The following ETV6 variants were observed in gnomAD, a reference collection of about 807,000 sequenced individuals.
ETV6 encodes the protein transcription factor ETV6.
Under a neutral mutation model 51.1 loss-of-function variants are expected in ETV6, and 16 were observed. The ratio of observed to expected loss-of-function variants is 0.31; its 90% CI spans 0.21 to 0.48. The LOEUF (loss-of-function observed/expected upper bound fraction) is 0.48. ETV6 is among the 20% of genes least tolerant of loss of function. ETV6 has a pLI of 0.99. For missense variants in ETV6, 458 were observed against 594.8 expected (o/e 0.77, Z 2.39); for synonymous variants, 240 against 224.1 (o/e 1.07, Z -0.64).
At chr12:11,754,825 G>A (rs181395046) in intron 2 of ETV6, among the ~76,000 whole-genome samples, 4 of 152,304 alleles carry the variant, frequency 2.6e-5, no homozygotes, top group East Asian at 1.9e-4. Flanking sequence ...TATTTATCAC[G>A]GGATTACCCT....
At chr12:11,673,981 A>G (rs903553635) in intron 1 of ETV6, among the ~76,000 whole-genome samples, 2 of 152,152 alleles carry the variant, frequency 1.3e-5, no homozygotes, top group African/African-American at 4.8e-5. Flanking sequence ...ACCAATGCAA[A>G]TCTATCTCAG....
chr12:11,655,071 G>A (rs931984271), intron 1 of ETV6, among the ~76,000 whole-genome samples: 1 of 152,148 alleles, frequency 6.6e-6, no homozygotes, highest in African/African-American at 2.4e-5. Context: ...GAAAGAGCTG[G>A]GGGCAAGGTG....
chr12:11,828,775 CT>C (rs1946199264), intron 2 of ETV6, among the ~76,000 whole-genome samples: 1 of 152,166 alleles, frequency 6.6e-6, no homozygotes, highest in South Asian at 2.1e-4. Flanking sequence ...TCCCTTTTTG[CT>C]GTCCCCTCCC....
intron 1 of ETV6, among the ~76,000 whole-genome samples, chr12:11,715,095 T>C (rs1865250253): frequency 6.6e-6 from 1 of 152,204 alleles, no homozygotes; most frequent in Non-Finnish European, 1.5e-5. Flanking sequence ...ATGTCTTTTT[T>C]GTTTAACCGA....
intron 4 of ETV6, among the ~76,000 whole-genome samples, chr12:11,855,646 T>A (rs1946622512): frequency 6.6e-6 from 1 of 152,228 alleles, no homozygotes; most frequent in African/African-American, 2.4e-5. Flanking sequence ...AAAGAGAGCC[T>A]GACTCCAGGC....
intron 1 of ETV6, among the ~76,000 whole-genome samples, chr12:11,669,710 A>C (rs533016107): frequency 1.3e-5 from 2 of 152,056 alleles, no homozygotes; most frequent in Non-Finnish European, 2.9e-5. Context: ...TTGGGGAGCT[A>C]CCATTCATGT....
chr12:11,850,250 T>G (rs914662386), intron 3 of ETV6, among the ~76,000 whole-genome samples: 20 of 152,200 alleles, frequency 1.3e-4, no homozygotes, highest in African/African-American at 3.9e-4. Flanking sequence ...CCTGCTCCCT[T>G]GGCCAGCGTC....
intron 1 of ETV6, among the ~76,000 whole-genome samples, chr12:11,697,084 A>G (rs17210280): frequency 0.046 from 6,990 of 152,298 alleles, 179 homozygotes; most frequent in East Asian, 0.12. Context: ...CTAAGCTGCA[A>G]TCAGTGAATC....
At chr12:11,826,572 C>A (rs1169632815) in intron 2 of ETV6, 1 of 152,290 alleles carries the variant, frequency 6.6e-6, no homozygotes, top group South Asian at 2.1e-4. Flanking sequence ...TTCCTCCCCA[C>A]TCATTCATCT....
chr12:11,753,985 A>G (rs1944962952), intron 2 of ETV6, among the ~76,000 whole-genome samples: 2 of 152,230 alleles, frequency 1.3e-5, no homozygotes, highest in Non-Finnish European at 2.9e-5. Flanking sequence ...GGCTGGGAAC[A>G]TCAGTGTTCT....
At chr12:11,860,692 T>TC (rs71057774) in intron 4 of ETV6, among the ~76,000 whole-genome samples, 39,540 of 151,844 alleles carry the variant, frequency 0.26, 5,803 homozygotes, top group East Asian at 0.58. Flanking sequence ...TTTGGTTGTT[T>TC]CCCCCCCTCT....
chr12:11,792,628 A>G (rs1433317422), intron 2 of ETV6, among the ~76,000 whole-genome samples: 4 of 151,804 alleles, frequency 2.6e-5, no homozygotes, highest in African/African-American at 9.7e-5. Context: ...TGGAGGTTGT[A>G]GTGAGCTGAG....
chr12:11,769,765 G>A (rs550986652), intron 2 of ETV6, among the ~76,000 whole-genome samples: 1 of 152,342 alleles, frequency 6.6e-6, no homozygotes, highest in South Asian at 2.1e-4. Context: ...GTGAGGAAGT[G>A]CGGGAAGGTG....
intron 2 of ETV6, among the ~76,000 whole-genome samples, chr12:11,756,348 A>G (rs1179464995): frequency 1.3e-5 from 2 of 152,138 alleles, no homozygotes; most frequent in African/African-American, 4.8e-5. Context: ...AGCAAACACA[A>G]GTATGTTTGT....
At chr12:11,839,947 G>A (rs1304735939) in intron 3 of ETV6, among the ~76,000 whole-genome samples, 1 of 152,182 alleles carries the variant, frequency 6.6e-6, no homozygotes, top group Non-Finnish European at 1.5e-5. Flanking sequence ...GTGAATGCAG[G>A]CTGTGAACTG....
intron 2 of ETV6, among the ~76,000 whole-genome samples, chr12:11,809,358 G>A (rs1945877341): frequency 6.6e-6 from 1 of 152,062 alleles, no homozygotes; most frequent in Admixed American, 6.5e-5. Context: ...AGGGAGGAAT[G>A]AAAGTAAGTA....
At chr12:11,819,013 G>A (rs1946037038) in intron 2 of ETV6, among the ~76,000 whole-genome samples, 1 of 152,132 alleles carries the variant, frequency 6.6e-6, no homozygotes, top group South Asian at 2.1e-4. Flanking sequence ...AGCCTCCCCA[G>A]TGGGCTTCTC....
chr12:11,822,604 G>T (rs1946097588), intron 2 of ETV6, among the ~76,000 whole-genome samples: 1 of 150,338 alleles, frequency 6.7e-6, no homozygotes, highest in Non-Finnish European at 1.5e-5. Context: ...CTGTTAAAAT[G>T]ATCAGGCCTC....
At chr12:11,887,545 C>T (rs1015293651) in intron 7 of ETV6, among the ~76,000 whole-genome samples, 4 of 151,844 alleles carry the variant, frequency 2.6e-5, no homozygotes, top group Non-Finnish European at 5.9e-5. Context: ...GTCAAGAGAT[C>T]GAGACCATCC....
Sources: gnomAD v4.1 joint callset for allele counts (sites outside exome capture counted in the v4.1 genomes callset) on GRCh38, gnomAD v4.1.1 for gene constraint, MANE v1.5 for transcripts, NCBI Gene and HGNC (gene_info 2026-07-23, HGNC 2026-07-21) for gene names.